Variants in KCNK5 observed in about 807,000 individuals in gnomAD.
The protein encoded by KCNK5 is potassium two pore domain channel subfamily K member 5, also known as potassium channel subfamily K member 5.
Under a neutral mutation model 32.9 loss-of-function variants are expected in KCNK5, and 18 were observed. The observed-to-expected ratio is 0.55, with a 90% CI of 0.38 to 0.81. The LOEUF is 0.81. Ranked by LOEUF, KCNK5 falls within the 30% of genes least tolerant of loss-of-function variation. The pLI is 0.00. For missense variants in KCNK5, 507 were observed against 651.0 expected, an observed-to-expected ratio of 0.78 and a Z score of 2.41; for synonymous variants, 276 against 275.3, an observed-to-expected ratio of 1.00 and a Z score of -0.03.
At chr6:39,219,392 T>C (rs2815115) in intron 1 of KCNK5, among the ~76,000 whole-genome samples, 40,283 of 151,898 alleles carry the variant, frequency 0.27, 5,978 homozygotes, top group East Asian at 0.53. Flanking sequence ...GGGGTATAAT[T>C]AGTTCCATTT....
intron 2 of KCNK5, among the ~76,000 whole-genome samples, chr6:39,195,124 C>T (rs1318042407): frequency 6.6e-6 from 1 of 152,198 alleles, no homozygotes. Context: ...TCCATTCCCT[C>T]CCTTCTTATG....
Position 39,190,959 on chromosome 6 carries a change from A to C in KCNK5, c.1431T>G (p.Ser477=). The C allele has an allele frequency of 6.5e-7, 1 of 1,527,826 alleles. No homozygotes were observed. The highest frequency in any genetic ancestry group is 8.8e-7 in the Non-Finnish European group (1 of 1,139,644). 94.6% of individuals were successfully genotyped at this position (1,527,826 alleles called of 1,614,324 possible). A position where few individuals can be genotyped will look rare whatever the true frequency, so the allele number is the denominator to read the frequency against. The change falls in exon 5 of 5, where the codon TCT becomes TCG. Residue 477 remains serine, a synonymous_variant. Coordinates refer to ENST00000359534, the MANE Select transcript of KCNK5 (RefSeq NM_003740.4). ...GCTGTTCGTAAGGCACAGAGAGCTC[A>C]GACTCAGTGCTGGTGAAGGTGGACT... The part of the protein sequence containing the change: ...SSESTFTSTE[S]ELSVPYEQLM...
chr6:39,207,598 G>A (rs757182814), intron 1 of KCNK5, among the ~76,000 whole-genome samples: 43 of 151,782 alleles, frequency 2.8e-4, no homozygotes, highest in Non-Finnish European at 7.4e-5. Flanking sequence ...GTTCCCCTGC[G>A]GACTCTGGAA....
chr6:39,191,077 G>A lies in KCNK5; in HGVS notation c.1313C>T (p.Ser438Leu), dbSNP rs915032034. ...CTCCCCTGCCAAGTTGTCCTCTAGC[G>A]AGGACTTGGAGGTCTCCTCGTCTGA... is the stretch of plus-strand genomic sequence containing the variant. ...GLSDEETSKS[S>L]LEDNLAGEES... is the part of the protein sequence containing the mutation. Residue 438 changes from serine to leucine, a missense_variant, in exon 5 of 5, where the codon TCG becomes TTG. Ser to Leu is a moderately radical substitution (Grantham distance 145, BLOSUM62 -2). Transcript: ENST00000359534. This position sits in a 1 kb window ranked among gnomAD's most constrained non-coding sequence, Gnocchi z 5.8. 5.0e-6 allele frequency: 8 copies of A among 1,613,860 alleles called. No homozygotes were observed. In the African/African-American group the frequency reaches 5.3e-5, roughly 11 times the overall value.
chr6:39,210,798 A>G (rs964037342), intron 1 of KCNK5, among the ~76,000 whole-genome samples: 3 of 152,210 alleles, frequency 2.0e-5, no homozygotes, highest in Non-Finnish European at 4.4e-5. Context: ...CGAGGCCAGG[A>G]CAGTCCCAGG....
chr6:39,197,984 C>G (rs1771057178), intron 1 of KCNK5, among the ~76,000 whole-genome samples: 1 of 152,188 alleles, frequency 6.6e-6, no homozygotes, highest in African/African-American at 2.4e-5. Context: ...GAAAACAAAC[C>G]TGAACTCTTG....
At chr6:39,223,167 A>G (rs2815119) in intron 1 of KCNK5, among the ~76,000 whole-genome samples, 151,543 of 152,334 alleles carry the variant, frequency 0.99, 75,387 homozygotes, top group Middle Eastern at 1. Context: ...ATATCTGGGC[A>G]TAGCAGAAAT....
At chr6:39,208,173 C>T (rs1212350848) in intron 1 of KCNK5, among the ~76,000 whole-genome samples, 5 of 152,156 alleles carry the variant, frequency 3.3e-5, no homozygotes, top group African/African-American at 7.2e-5. Flanking sequence ...CCATTTATTA[C>T]AGTTTGTTTA....
At chr6:39,221,086 G>A (rs1206394780) in intron 1 of KCNK5, among the ~76,000 whole-genome samples, 1 of 152,160 alleles carries the variant, frequency 6.6e-6, no homozygotes, top group Non-Finnish European at 1.5e-5. Flanking sequence ...GTGAGCTCTG[G>A]GTTCAAAACC....
At chr6:39,200,515 C>T (rs1389029715) in intron 1 of KCNK5, among the ~76,000 whole-genome samples, 1 of 152,134 alleles carries the variant, frequency 6.6e-6, no homozygotes, top group Non-Finnish European at 1.5e-5. Flanking sequence ...TAAGAAAGTG[C>T]TAAAAACAGT....
In KCNK5 at chr6:39,190,189, G is replaced by A. The variant is rs565019438; in HGVS notation, c.*701C>T. 1 of 152,538 alleles carries A rather than the reference G, an allele frequency of 6.6e-6. No homozygotes were observed. Among genetic ancestry groups the A allele is most frequent in the Admixed American group, 6.5e-5 (1 of 15,304 alleles). The allele number at this position is 152,538 out of a possible 1,614,324, so 9.4% of individuals were successfully genotyped here. On this transcript the variant is annotated 3_prime_UTR_variant, in exon 5 of 5. Coordinates refer to ENST00000359534, the MANE Select transcript of KCNK5 (RefSeq NM_003740.4). The stretch of plus-strand genomic sequence containing the variant: ...TGCTTGACCTGAGACAGGGAACACA[G>A]CTCTGGGCTGGGCCTGAGTAGACCA...
At chr6:39,228,238 G>A (rs920976235) in intron 1 of KCNK5, among the ~76,000 whole-genome samples, 7 of 152,150 alleles carry the variant, frequency 4.6e-5, no homozygotes, top group Non-Finnish European at 1.0e-4. Context: ...GGTATTATTC[G>A]TTTGTGCAAC....
rs149331161 is a variant in KCNK5, at chr6:39,209,862, C to A, written c.187-13875G>T. On this transcript the variant is annotated intron_variant, in intron 1 of 4. Transcript: ENST00000359534. ...ACTCCCTAGCCTGGAGTCATGACTG[C>A]GCTTTCTTCACCTGTAAAACGGGAA... 2.0e-5 allele frequency among the ~76,000 whole-genome samples: 3 copies of A among 152,308 alleles called. No homozygotes were observed. In the Middle Eastern group the frequency reaches 0.01, roughly 518 times the overall value.
chr6:39,225,133 CCACT>C lies in KCNK5; in HGVS notation c.186+3789_186+3792del, dbSNP rs148538002. Among the ~76,000 whole-genome samples the C allele has an allele frequency of 4.6e-3, 700 of 152,194 alleles. 7 individuals are homozygous for C. The highest frequency in any genetic ancestry group is 0.016 in the African/African-American group (676 of 41,482). On this transcript the variant is annotated intron_variant, in intron 1 of 4. Transcript: ENST00000359534. ...TGAAAACCTCTTCTGTAGCCCACAC[CCACT>C]GTCTTGTTCCCAGTGGGTTTATGTA... is the stretch of plus-strand genomic sequence containing the variant.
rs1008025467 is a variant in KCNK5, at chr6:39,229,243, C to T, written c.-132G>A. On this transcript the variant is annotated 5_prime_UTR_variant, in exon 1 of 5. Coordinates refer to ENST00000359534, the MANE Select transcript of KCNK5 (RefSeq NM_003740.4). The stretch of plus-strand genomic sequence containing the variant: ...CATGCGCAGTGCCCGGTACTCACCC[C>T]CCGCAAGCACCGCTCCCCGGACAGA... 1.1e-6 allele frequency: 1 copy of T among 894,234 alleles called. No individual in the cohort carries two copies. Among genetic ancestry groups the T allele is most frequent in the South Asian group, 1.7e-5 (1 of 58,246 alleles). 55.4% of individuals were successfully genotyped at this position (894,234 alleles called of 1,614,324 possible). A position where few individuals can be genotyped will look rare whatever the true frequency, so the allele number is the denominator to read the frequency against.
chr6:39,228,633 C>T (rs545833706), intron 1 of KCNK5, among the ~76,000 whole-genome samples: 1 of 152,296 alleles, frequency 6.6e-6, no homozygotes, highest in East Asian at 1.9e-4. Context: ...AGGGAGGTAC[C>T]GTCACACCCA....
At chr6:39,220,458 C>A (rs952727783) in intron 1 of KCNK5, among the ~76,000 whole-genome samples, 3 of 152,116 alleles carry the variant, frequency 2.0e-5, no homozygotes, top group Admixed American at 6.5e-5. Flanking sequence ...CCCTGGGTAA[C>A]CATCATCCCA....
At chr6:39,222,811 C>T (rs539630272) in intron 1 of KCNK5, among the ~76,000 whole-genome samples, 1 of 152,290 alleles carries the variant, frequency 6.6e-6, no homozygotes, top group Non-Finnish European at 1.5e-5. Flanking sequence ...TATGACTCCA[C>T]TTAGGAGACA....
chr6:39,217,277 G>A (rs892129493), intron 1 of KCNK5, among the ~76,000 whole-genome samples: 4 of 151,716 alleles, frequency 2.6e-5, no homozygotes, highest in Non-Finnish European at 5.9e-5. Flanking sequence ...CCAGAAAGGC[G>A]AGATCACACA....
Sources: gnomAD v4.1 joint callset for allele counts (sites outside exome capture counted in the v4.1 genomes callset) on GRCh38, gnomAD v4.1.1 for gene constraint, Gnocchi (gnomAD v3.1) non-coding constraint, MANE v1.5 for transcripts, NCBI Gene and HGNC (gene_info 2026-07-23, HGNC 2026-07-21) for gene names.